Variants in FBXL17 observed in about 807,000 individuals in gnomAD.
FBXL17 encodes the protein F-box/LRR-repeat protein 17.
FBXL17 carries 22 observed loss-of-function variants against 66.2 expected under a neutral mutation model. That is an observed-to-expected ratio of 0.33 (90% CI 0.24 to 0.47). The LOEUF (loss-of-function observed/expected upper bound fraction) is 0.47, where lower values mean the gene tolerates loss of function less well. FBXL17 is among the 20% of genes least tolerant of loss of function. FBXL17 has a pLI of 1.00. For missense variants in FBXL17, 878 were observed against 948.2 expected, an observed-to-expected ratio of 0.93 and a Z score of 0.97; for synonymous variants, 474 against 400.5, an observed-to-expected ratio of 1.18 and a Z score of -2.19.
chr5:108,019,947 TA>T (rs201660915), intron 7 of FBXL17, among the ~76,000 whole-genome samples: 2,138 of 152,026 alleles, frequency 0.014, 24 homozygotes, highest in Non-Finnish European at 0.024. Flanking sequence ...AAAATTAGAT[TA>T]TTTTTAAAAT....
intron 5 of FBXL17, among the ~76,000 whole-genome samples, chr5:108,187,885 A>G (rs1271139156): frequency 6.6e-6 from 1 of 152,208 alleles, no homozygotes; most frequent in Non-Finnish European, 1.5e-5. Flanking sequence ...AAGTCAGTTC[A>G]GCTTAAACTC....
At chr5:108,371,211 A>G (rs182348041) in intron 1 of FBXL17, among the ~76,000 whole-genome samples, 5 of 152,340 alleles carry the variant, frequency 3.3e-5, no homozygotes, top group East Asian at 1.9e-4. Flanking sequence ...CAGAGCTGCA[A>G]TATAGACCCC....
chr5:108,312,190 A>G (rs891845918), intron 4 of FBXL17, among the ~76,000 whole-genome samples: 1 of 152,176 alleles, frequency 6.6e-6, no homozygotes, highest in African/African-American at 2.4e-5. Flanking sequence ...TTAGGAGCCC[A>G]TTACATAAAA....
intron 6 of FBXL17, among the ~76,000 whole-genome samples, chr5:108,098,113 G>A (rs1246346848): frequency 6.6e-6 from 1 of 152,134 alleles, no homozygotes; most frequent in East Asian, 1.9e-4. Context: ...TGGAAACATA[G>A]TGACTTCAGT....
chr5:107,887,689 C>G (rs532363468), intron 7 of FBXL17, among the ~76,000 whole-genome samples: 1 of 152,158 alleles, frequency 6.6e-6, no homozygotes. Context: ...ATGGTCCCTG[C>G]GAAGGCTCCC....
chr5:108,241,744 G>A (rs554240411), intron 4 of FBXL17, among the ~76,000 whole-genome samples: 34 of 152,060 alleles, frequency 2.2e-4, no homozygotes, highest in Middle Eastern at 3.4e-3. Context: ...GAAAGGCTCC[G>A]AAAAGCCACA....
chr5:108,273,643 C>T (rs1053061968), intron 4 of FBXL17, among the ~76,000 whole-genome samples: 9 of 151,606 alleles, frequency 5.9e-5, no homozygotes, highest in Admixed American at 2.0e-4. Context: ...AAATAAATGT[C>T]ACTAATCTAA....
In FBXL17 at chr5:108,161,165, C is replaced by G. The variant is rs112765749; in HGVS notation, c.1745+24952G>C. The stretch of plus-strand genomic sequence containing the variant: ...GGAATAATTAATCAACAAATAGATA[C>G]ATACATACATACATACATACATACA... On this transcript the variant is annotated intron_variant, in intron 6 of 8. Transcript: ENST00000542267. Among the ~76,000 whole-genome samples, 451 of 47,974 alleles carry G rather than the reference C, an allele frequency of 9.4e-3. 5 individuals are homozygous for G. Among genetic ancestry groups the G allele is most frequent in the African/African-American group, 0.02 (428 of 21,944 alleles). The allele number at this position is 47,974 out of a possible 152,430, so 31.5% of individuals were successfully genotyped here. A position where few individuals can be genotyped will look rare whatever the true frequency, so the allele number is the denominator to read the frequency against.
At chr5:108,293,197 T>C (rs1758193654) in intron 4 of FBXL17, among the ~76,000 whole-genome samples, 1 of 152,056 alleles carries the variant, frequency 6.6e-6, no homozygotes, top group Non-Finnish European at 1.5e-5. Flanking sequence ...ATACTTTAAA[T>C]ATTTCTTGGT....
intron 8 of FBXL17, among the ~76,000 whole-genome samples, chr5:107,869,002 AAAGAGAGGGGTGAAG>A (rs1410623194): frequency 6.6e-6 from 1 of 152,202 alleles, no homozygotes; most frequent in Non-Finnish European, 1.5e-5. Context: ...CTGCTTTGAG[AAAGAGAGGGGTGAAG>A]AAGATGGACC....
chr5:107,995,987 CTT>C (rs1753455423), intron 7 of FBXL17, among the ~76,000 whole-genome samples: 1 of 152,134 alleles, frequency 6.6e-6, no homozygotes, highest in Non-Finnish European at 1.5e-5. Flanking sequence ...CAGATCTATT[CTT>C]TTTCTTTTCT....
intron 4 of FBXL17, among the ~76,000 whole-genome samples, chr5:108,295,360 C>T (rs1187762549): frequency 6.6e-6 from 1 of 151,678 alleles, no homozygotes; most frequent in Non-Finnish European, 1.5e-5. Context: ...ATATTCTAAG[C>T]ACATTACATG....
intron 6 of FBXL17, among the ~76,000 whole-genome samples, chr5:108,026,149 C>G (rs1217672870): frequency 6.6e-6 from 1 of 152,072 alleles, no homozygotes; most frequent in Non-Finnish European, 1.5e-5. Flanking sequence ...GTCAAAAGGC[C>G]AAGAAGTAAT....
chr5:108,326,433 A>C (rs971130126), intron 4 of FBXL17, among the ~76,000 whole-genome samples: 1 of 149,556 alleles, frequency 6.7e-6, no homozygotes, highest in African/African-American at 2.6e-5. Flanking sequence ...TCTCTACTAA[A>C]AATAAAAATT....
chr5:107,888,335 A>C (rs1248020334), intron 7 of FBXL17, among the ~76,000 whole-genome samples: 1 of 152,174 alleles, frequency 6.6e-6, no homozygotes, highest in Non-Finnish European at 1.5e-5. Context: ...CTGAAAATCA[A>C]GTGTCACTCA....
rs551934194 is a variant in FBXL17 at position 107,921,240 on chromosome 5, C to G, written c.1823-40061G>C. On this transcript the variant is annotated intron_variant, in intron 7 of 8. Coordinates refer to ENST00000542267, the MANE Select transcript of FBXL17 (RefSeq NM_001163315.3). ...AGTGGAAAAGTTAATTATTTACACACTAGCAGCTCAATGACTATAATGTAG... is the reference window on the plus strand; with the variant it reads ...AGTGGAAAAGTTAATTATTTACACAGTAGCAGCTCAATGACTATAATGTAG... Among the ~76,000 whole-genome samples, 26 of 152,298 alleles carry G rather than the reference C, an allele frequency of 1.7e-4. No individual in the cohort carries two copies. The South Asian group carries it at 4.3e-3, about 25-fold the overall frequency.
intron 7 of FBXL17, among the ~76,000 whole-genome samples, chr5:107,936,953 T>C (rs1750928925): frequency 6.6e-6 from 1 of 151,598 alleles, no homozygotes; most frequent in African/African-American, 2.4e-5. Context: ...TCACTAGTAG[T>C]ATAAAGAAAC....
chr5:108,113,348 A>G (rs1750113932), intron 6 of FBXL17, among the ~76,000 whole-genome samples: 1 of 152,184 alleles, frequency 6.6e-6, no homozygotes, highest in Non-Finnish European at 1.5e-5. Context: ...AATATGCAAG[A>G]GAGATAGATG....
chr5:107,960,333 ACT>A (rs1217298330), intron 7 of FBXL17, among the ~76,000 whole-genome samples: 1 of 151,916 alleles, frequency 6.6e-6, no homozygotes, highest in Non-Finnish European at 1.5e-5. Context: ...TTGGAAATTT[ACT>A]CTCTTAGCAA....
Sources: allele counts gnomAD v4.1 joint callset (sites outside exome capture counted in the v4.1 genomes callset), GRCh38; gene constraint gnomAD v4.1.1; transcripts MANE v1.5; gene names NCBI Gene and HGNC (gene_info 2026-07-23, HGNC 2026-07-21).